GPC3: variants seen among roughly 807,000 people sequenced by gnomAD.
GPC3 encodes the protein glypican-3.
Under a neutral mutation model 34.4 loss-of-function variants are expected in GPC3, and 3 were observed. That is an observed-to-expected ratio of 0.09 (90% CI 0.04 to 0.23). The LOEUF (loss-of-function observed/expected upper bound fraction) is 0.23, where lower values mean the gene tolerates loss of function less well. GPC3 is among the 10% of genes least tolerant of loss of function. The pLI is 1.00. For synonymous variants in GPC3, 177 were observed against 174.0 expected (o/e 1.02, Z -0.13); for missense variants, 351 against 445.6 (o/e 0.79, Z 1.91).
intron 2 of GPC3, among the ~76,000 whole-genome samples, chrX:133,827,094 G>C (rs185900246): frequency 2.6e-3 from 289 of 111,794 alleles, no homozygotes; most frequent in Non-Finnish European, 4.0e-3. Context: ...ACTTTAAAAT[G>C]GGTTCTATTG....
intron 7 of GPC3, among the ~76,000 whole-genome samples, chrX:133,569,953 G>A (rs1389604350): frequency 9.2e-6 from 1 of 109,021 alleles, no homozygotes; most frequent in Non-Finnish European, 1.9e-5. Context: ...GTGCAGTGGC[G>A]TGATCTTGGC....
At chrX:133,961,495 A>G (rs1013169062) in intron 1 of GPC3, among the ~76,000 whole-genome samples, 3 of 112,036 alleles carry the variant, frequency 2.7e-5, no homozygotes, top group East Asian at 2.8e-4. Flanking sequence ...TTCTTCCTGG[A>G]CCACTTTACC....
At position 133,632,126 on chromosome X, in the gene GPC3, G is replaced by T. The variant is rs1160000928; in HGVS notation, c.1413+29604C>A. ...TTTTAAAAAATTTTTTTGAGACAGT[G>T]TCTCCCTCTGTTGCCCAGGCTGGAA... On this transcript the variant is annotated intron_variant, in intron 6 of 7. Transcript: ENST00000370818. 8.4e-3 allele frequency among the ~76,000 whole-genome samples: 936 copies of T among 110,867 alleles called. 11 individuals carry two copies. Among genetic ancestry groups the T allele is most frequent in the African/African-American group, 0.028 (860 of 30,464 alleles).
intron 2 of GPC3, among the ~76,000 whole-genome samples, chrX:133,862,381 T>C (rs1406030423): frequency 9.8e-6 from 1 of 102,276 alleles, no homozygotes; most frequent in African/African-American, 3.5e-5. Context: ...TTGCTTCCTT[T>C]AAAAAAAAAA....
chrX:133,724,864 G>A (rs745476797), intron 3 of GPC3, among the ~76,000 whole-genome samples: 2 of 112,199 alleles, frequency 1.8e-5, no homozygotes, highest in East Asian at 5.6e-4. Flanking sequence ...ACTTGGACAA[G>A]AGCTTTGCTC....
At chrX:133,737,295 A>T (rs1430298835) in intron 3 of GPC3, among the ~76,000 whole-genome samples, 1 of 112,087 alleles carries the variant, frequency 8.9e-6, no homozygotes, top group East Asian at 2.8e-4. Flanking sequence ...GCCATTATAC[A>T]TTTGTCAAAA....
At chrX:133,895,701 A>C (rs758557417) in intron 2 of GPC3, among the ~76,000 whole-genome samples, 15 of 111,724 alleles carry the variant, frequency 1.3e-4, no homozygotes, top group Non-Finnish European at 2.3e-4. Flanking sequence ...AGCGAATCAC[A>C]TAAGAGCTTC....
intron 1 of GPC3, among the ~76,000 whole-genome samples, chrX:133,976,857 G>T (rs1308973989): frequency 9.1e-6 from 1 of 109,515 alleles, no homozygotes; most frequent in African/African-American, 3.3e-5. Flanking sequence ...AGCAGAGGTT[G>T]CACTGAGCCG....
At chrX:133,593,504 G>C (rs1347166774) in intron 7 of GPC3, among the ~76,000 whole-genome samples, 2 of 109,394 alleles carry the variant, frequency 1.8e-5, no homozygotes, top group African/African-American at 6.7e-5. Context: ...AATGAAGCCA[G>C]AAGGGTAGTT....
intron 2 of GPC3, among the ~76,000 whole-genome samples, chrX:133,909,426 C>T (rs889187999): frequency 2.7e-5 from 3 of 112,165 alleles, no homozygotes; most frequent in African/African-American, 6.5e-5. Context: ...CTACTAGGAG[C>T]TGTTTATCAT....
intron 1 of GPC3, among the ~76,000 whole-genome samples, chrX:133,983,175 G>C (rs1037497292): frequency 2.7e-5 from 3 of 112,340 alleles, no homozygotes; most frequent in Admixed American, 1.9e-4. Flanking sequence ...GTGCAAGTCA[G>C]GACAGTGCCT....
At chrX:133,542,365 T>A (rs2069348606) in intron 7 of GPC3, among the ~76,000 whole-genome samples, 1 of 111,064 alleles carries the variant, frequency 9.0e-6, no homozygotes, top group African/African-American at 3.3e-5. Context: ...CACAGGGGGA[T>A]CTGGGAGCCA....
At chrX:133,811,932 T>C (rs769975380) in intron 2 of GPC3, among the ~76,000 whole-genome samples, 3 of 112,004 alleles carry the variant, frequency 2.7e-5, no homozygotes, top group African/African-American at 6.5e-5. Context: ...AGTTAAAATA[T>C]AGAAGTCCTA....
chrX:133,668,922 C>T (rs1680512360), intron 5 of GPC3, among the ~76,000 whole-genome samples: 2 of 111,944 alleles, frequency 1.8e-5, no homozygotes, highest in Non-Finnish European at 3.8e-5. Context: ...TGCTACATTG[C>T]TTCCTTGTAG....
intron 1 of GPC3, among the ~76,000 whole-genome samples, chrX:133,964,627 G>A (rs773252876): frequency 1.8e-5 from 2 of 110,711 alleles, no homozygotes; most frequent in Non-Finnish European, 3.8e-5. Context: ...AGTTTCCTAG[G>A]GCTTCCATAT....
chrX:133,959,918 T>C (rs2076434640), intron 1 of GPC3, among the ~76,000 whole-genome samples: 1 of 112,018 alleles, frequency 8.9e-6, no homozygotes, highest in Non-Finnish European at 1.9e-5. Context: ...TTGTCAAAAC[T>C]CATCAAACTC....
chrX:133,825,153 C>T lies in GPC3; in HGVS notation c.338-70977G>A, dbSNP rs370922301. On this transcript the variant is annotated intron_variant, in intron 2 of 7. Transcript: ENST00000370818. Reference sequence around the variant, plus strand: ...TACAGGCATGAGCCACTGTGCCTGGCGAAAATTACATTTCTATGAATTCTG... The same window carrying T: ...TACAGGCATGAGCCACTGTGCCTGGTGAAAATTACATTTCTATGAATTCTG... Among the ~76,000 whole-genome samples, 55 of 112,161 alleles carry T rather than the reference C, an allele frequency of 4.9e-4. 1 individual carries two copies. In the East Asian group the frequency reaches 7.8e-3, roughly 16 times the overall value.
chrX:133,864,246 T>C (rs150440868), intron 2 of GPC3, among the ~76,000 whole-genome samples: 143 of 111,014 alleles, frequency 1.3e-3, no homozygotes, highest in Middle Eastern at 4.6e-3. Flanking sequence ...GGATGACAGA[T>C]GAAGGGAAGG....
intron 7 of GPC3, among the ~76,000 whole-genome samples, chrX:133,552,250 T>C (rs746424011): frequency 2.7e-5 from 3 of 112,060 alleles, no homozygotes; most frequent in African/African-American, 9.7e-5. Flanking sequence ...TAAGATTTCA[T>C]TCAGGTCTTG....
Sources: allele counts gnomAD v4.1 joint callset (sites outside exome capture counted in the v4.1 genomes callset), GRCh38; gene constraint gnomAD v4.1.1; transcripts MANE v1.5; gene names NCBI Gene and HGNC (gene_info 2026-07-23, HGNC 2026-07-21).